XG: variants seen among roughly 807,000 people sequenced by gnomAD.
XG encodes the protein Xg glycoprotein (Xg blood group).
XG carries 24 observed loss-of-function variants against 25.7 expected under a neutral mutation model. The ratio of observed to expected loss-of-function variants is 0.93; its 90% confidence interval spans 0.68 to 1.31. XG has a LOEUF of 1.31. Ranked by LOEUF, XG falls within the 40% of genes most tolerant of loss-of-function variation. XG has a pLI of 0.00. For missense variants in XG, 181 were observed against 187.6 expected (o/e 0.96, Z 0.21); for synonymous variants, 77 against 69.2 (o/e 1.11, Z -0.56).
chrX:2,771,915 T>A (rs914709191), intron 2 of XG, among the ~76,000 whole-genome samples: 6 of 152,296 alleles, frequency 3.9e-5, no homozygotes, highest in Admixed American at 3.3e-4. Context: ...GGAGATGCCA[T>A]TTCTCCCATG....
At chrX:2,756,800 G>T (rs2050445427) in intron 1 of XG, among the ~76,000 whole-genome samples, 1 of 152,188 alleles carries the variant, frequency 6.6e-6, no homozygotes, top group African/African-American at 2.4e-5. Context: ...CAGACGGGCA[G>T]GTGCAGCAGC....
At chrX:2,800,991 A>T (rs1432845647) in intron 7 of XG, among the ~76,000 whole-genome samples, 1 of 108,222 alleles carries the variant, frequency 9.2e-6, no homozygotes, top group Non-Finnish European at 1.9e-5. Context: ...AAAAAAAAAA[A>T]AAAAAAAGGA....
At chrX:2,773,244 AAGG>A (rs948736477) in intron 2 of XG, among the ~76,000 whole-genome samples, 6 of 142,484 alleles carry the variant, frequency 4.2e-5, no homozygotes, top group Non-Finnish European at 7.8e-5. Flanking sequence ...AGGAAGAAGA[AAGG>A]AGAGGAGATA....
intron 1 of XG, among the ~76,000 whole-genome samples, chrX:2,762,103 T>C (rs1421591090): frequency 6.6e-6 from 1 of 152,002 alleles, no homozygotes; most frequent in African/African-American, 2.4e-5. Flanking sequence ...GGAAGACGGG[T>C]TTATAACACA....
chrX:2,787,008 A>G (rs1603457505), intron 4 of XG, among the ~76,000 whole-genome samples: 1 of 107,097 alleles, frequency 9.3e-6, no homozygotes, highest in East Asian at 2.9e-4. Flanking sequence ...ATGGACTAAG[A>G]CACCTCATAA....
intron 2 of XG, among the ~76,000 whole-genome samples, chrX:2,774,151 T>C (rs1484211460): frequency 1.3e-5 from 2 of 152,094 alleles, no homozygotes; most frequent in African/African-American, 2.4e-5. Context: ...TTCCCAGCCA[T>C]GGCCGACTCC....
intron 4 of XG, among the ~76,000 whole-genome samples, chrX:2,788,092 G>A (rs189678018): frequency 1.0e-3 from 106 of 102,505 alleles, no homozygotes; most frequent in African/African-American, 3.9e-3. Context: ...TCAAGAGAGA[G>A]AGAAAGGGAA....
chrX:2,764,683 A>C (rs2050635491), intron 1 of XG, among the ~76,000 whole-genome samples: 1 of 151,954 alleles, frequency 6.6e-6, no homozygotes, highest in African/African-American at 2.4e-5. Context: ...GCAGCAGCTG[A>C]CCCAAGAAAG....
intron 7 of XG, among the ~76,000 whole-genome samples, chrX:2,798,465 G>T (rs1179036944): frequency 9.3e-6 from 1 of 107,163 alleles, no homozygotes; most frequent in East Asian, 2.9e-4. Context: ...TGGCCTCCCG[G>T]GTTCAAGTGA....
chrX:2,808,994 C>G (rs774053010), intron 9 of XG, among the ~76,000 whole-genome samples: 9 of 111,644 alleles, frequency 8.1e-5, no homozygotes, highest in African/African-American at 2.6e-4. Context: ...TAATTGCAGT[C>G]AAATCTGATG....
rs2087104171 is a variant in XG, at chrX:2,816,348, G to A, written c.*1968G>A. 1 of 111,981 alleles carries A rather than the reference G, an allele frequency of 8.9e-6. No individual in the cohort carries two copies. Among genetic ancestry groups the A allele is most frequent in the Admixed American group, 9.5e-5 (1 of 10,554 alleles). 9.2% of individuals were successfully genotyped at this position (111,981 alleles called of 1,213,427 possible). On this transcript the variant is annotated 3_prime_UTR_variant, in exon 11 of 11. Coordinates refer to ENST00000644266, the MANE Select transcript of XG (RefSeq NM_001141919.2). ...GCTGACCCTTGAACAACACAGGGCTGAACTGCACATGTCCACCTGTATGTG... is the reference window on the plus strand; with the variant it reads ...GCTGACCCTTGAACAACACAGGGCTAAACTGCACATGTCCACCTGTATGTG...
At chrX:2,755,597 T>G (rs1452532271) in intron 1 of XG, among the ~76,000 whole-genome samples, 1 of 152,264 alleles carries the variant, frequency 6.6e-6, no homozygotes, top group East Asian at 1.9e-4. Context: ...CAGCCTTCTA[T>G]TGCCCAGCCC....
At chrX:2,763,027 T>C (rs748802218) in intron 1 of XG, among the ~76,000 whole-genome samples, 2 of 152,298 alleles carry the variant, frequency 1.3e-5, no homozygotes, top group African/African-American at 4.8e-5. Flanking sequence ...ATAACATCCT[T>C]TTTTGAGATG....
chrX:2,774,642 C>T (rs1014924038), intron 2 of XG, 74 bp from the exon 3 acceptor site: 255 of 1,525,048 alleles, frequency 1.7e-4, no homozygotes, highest in Middle Eastern at 5.1e-4. Flanking sequence ...TTCATCAGGG[C>T]GTTCATGGCC....
intron 9 of XG, among the ~76,000 whole-genome samples, chrX:2,808,760 G>A (rs1453297320): frequency 1.8e-5 from 2 of 111,381 alleles, no homozygotes; most frequent in Non-Finnish European, 3.8e-5. Flanking sequence ...TTGAGTTTAA[G>A]TTGAGAGTAA....
intron 1 of XG, among the ~76,000 whole-genome samples, chrX:2,759,909 A>C (rs1446286908): frequency 6.6e-6 from 1 of 152,026 alleles, no homozygotes; most frequent in Non-Finnish European, 1.5e-5. Context: ...AGGCTGGGAA[A>C]CTCTGCTGTA....
chrX:2,787,595 A>G (rs1414326301), intron 4 of XG, among the ~76,000 whole-genome samples: 1 of 111,318 alleles, frequency 9.0e-6, no homozygotes, highest in East Asian at 2.8e-4. Context: ...CCACAGTTGT[A>G]TCATTTTAGA....
rs183633193 is a variant in XG, at chrX:2,768,665, G to A, written c.62-1885G>A. 1.8e-4 allele frequency among the ~76,000 whole-genome samples: 28 copies of A among 152,290 alleles called. No individual in the cohort carries two copies. The East Asian group carries it at 4.2e-3, about 23-fold the overall frequency. On this transcript the variant is annotated intron_variant, in intron 1 of 10. Coordinates refer to ENST00000644266, the MANE Select transcript of XG (RefSeq NM_001141919.2). ...CACCTGTAATCCCAGTTACTCAGAC[G>A]GCTGAGGCACAAGAATCGTTTGAAC... is the stretch of plus-strand genomic sequence containing the variant.
At chrX:2,774,259 A>G (rs1315105903) in intron 2 of XG, among the ~76,000 whole-genome samples, 3 of 152,128 alleles carry the variant, frequency 2.0e-5, no homozygotes, top group Admixed American at 6.5e-5. Context: ...CACAGGCTGC[A>G]CCCTGAGCAC....
Sources: gnomAD v4.1 joint callset for allele counts (sites outside exome capture counted in the v4.1 genomes callset) on GRCh38, gnomAD v4.1.1 for gene constraint, MANE v1.5 for transcripts, NCBI Gene and HGNC (gene_info 2026-07-23, HGNC 2026-07-21) for gene names.